Variants in BRF1 observed in about 807,000 individuals in gnomAD.
BRF1 encodes the protein transcription factor IIIB 90 kDa subunit.
In BRF1, 59 loss-of-function variants were observed where a neutral mutation model predicts 81.7. The observed-to-expected ratio is 0.72, with a 90% CI of 0.59 to 0.90. The LOEUF is 0.90. BRF1 is among the 40% of genes least tolerant of loss of function. BRF1 has a pLI of 0.00. For missense variants in BRF1, 1,050 were observed against 936.3 expected (o/e 1.12, Z -1.58); for synonymous variants, 491 against 395.6 (o/e 1.24, Z -2.86).
intron 1 of BRF1, among the ~76,000 whole-genome samples, chr14:105,287,298 G>A (rs2057350293): frequency 1.3e-5 from 2 of 152,212 alleles, no homozygotes; most frequent in South Asian, 4.1e-4. Flanking sequence ...TGAGCATGGT[G>A]GACATGTGGA....
chr14:105,285,749 T>C (rs2057291209), intron 2 of BRF1, among the ~76,000 whole-genome samples: 1 of 152,128 alleles, frequency 6.6e-6, no homozygotes, highest in African/African-American at 2.4e-5. Flanking sequence ...ACGCATGAAA[T>C]GGCTGAAAAT....
chr14:105,301,605 C>T (rs1415548899), upstream of BRF1, among the ~76,000 whole-genome samples: 1 of 152,228 alleles, frequency 6.6e-6, no homozygotes, highest in African/African-American at 2.4e-5. Flanking sequence ...TTGCGGCGTC[C>T]GCCGCTCCGC....
chr14:105,211,370 G>C, intron 16 of BRF1, 77 bp from the exon 17 acceptor site: 1 of 1,348,192 alleles, frequency 7.4e-7, no homozygotes, highest in Non-Finnish European at 9.8e-7. Flanking sequence ...GACCCACCAG[G>C]GCTGGCCCAG....
chr14:105,302,243 G>A (rs1259501179), upstream of BRF1, among the ~76,000 whole-genome samples: 2 of 130,320 alleles, frequency 1.5e-5, no homozygotes, highest in Admixed American at 8.6e-5. Flanking sequence ...CTGCTCTGTT[G>A]CCCAGGCTGG....
intron 3 of BRF1, among the ~76,000 whole-genome samples, chr14:105,266,861 C>T (rs1334384193): frequency 1.3e-5 from 2 of 152,044 alleles, no homozygotes; most frequent in Admixed American, 6.6e-5. Flanking sequence ...TTGGACAATA[C>T]AGCAAAACCC....
chr14:105,266,295 C>G (rs1467338109), intron 3 of BRF1, among the ~76,000 whole-genome samples: 2 of 152,102 alleles, frequency 1.3e-5, no homozygotes, highest in Non-Finnish European at 2.9e-5. Flanking sequence ...CACCTATGGT[C>G]CCGGCTACTC....
At chr14:105,228,755 G>A in intron 7 of BRF1, 65 bp downstream of exon 7, 3 of 1,574,160 alleles carry the variant, frequency 1.9e-6, no homozygotes, top group South Asian at 2.2e-5. Flanking sequence ...GCTCTGGCAA[G>A]CAGGCCTGAG....
intron 1 of BRF1, among the ~76,000 whole-genome samples, chr14:105,307,540 G>C (rs936929661): frequency 1.3e-5 from 2 of 152,118 alleles, no homozygotes; most frequent in Non-Finnish European, 2.9e-5. Flanking sequence ...TTTCAAAGGC[G>C]GTTGTCTCTG....
chr14:105,226,800 C>A (rs763360438), intron 7 of BRF1, 40 bp from the exon 8 acceptor site: 1 of 1,612,032 alleles, frequency 6.2e-7, no homozygotes, highest in South Asian at 1.1e-5. Context: ...GCTGGTGGCT[C>A]TGAAACCAGC....
Position 105,315,413 on chromosome 14 carries a change from C to T in BRF1, c.-253G>A, listed in dbSNP as rs912073941. ...TTCCTCTCTCGGGTACCACACGCTT[C>T]CTTTCGCGTTCGGCGACACTGTCAG... On this transcript the variant is annotated 5_prime_UTR_variant, in exon 1 of 18. Transcript: ENST00000327359. The surrounding 1 kb of genome is among the most constrained non-coding windows in gnomAD (Gnocchi z 4.4). 5 of 152,290 alleles carry T rather than the reference C, an allele frequency of 3.3e-5. No homozygotes were observed. The highest frequency in any genetic ancestry group is 1.3e-4 in the Admixed American group (2 of 15,296). The allele number at this position is 152,290 out of a possible 1,614,324, so 9.4% of individuals were successfully genotyped here. A position where few individuals can be genotyped will look rare whatever the true frequency, so the allele number is the denominator to read the frequency against.
At chr14:105,250,450 C>G in intron 5 of BRF1, 1 of 1,614,020 alleles carries the variant, frequency 6.2e-7, no homozygotes, top group Non-Finnish European at 8.5e-7. Flanking sequence ...GATCCAGTAA[C>G]ACCTTCCCGG....
At chr14:105,219,763 C>G (rs1370807892) in intron 12 of BRF1, 2 of 503,412 alleles carry the variant, frequency 4.0e-6, no homozygotes, top group Non-Finnish European at 3.6e-6. Flanking sequence ...GTCTAGAGAC[C>G]CCTCGAGGGG....
At chr14:105,289,756 C>T (rs976493037) in intron 1 of BRF1, among the ~76,000 whole-genome samples, 1 of 152,208 alleles carries the variant, frequency 6.6e-6, no homozygotes, top group African/African-American at 2.4e-5. Context: ...CTGCTTCAGC[C>T]TCCTGAGTAG....
chr14:105,272,764 A>G lies in BRF1; in HGVS notation c.396T>C (p.Ile132=), dbSNP rs745890118. 6.2e-7 allele frequency: 1 copy of G among 1,613,874 alleles called. No homozygotes were observed. ...GGCAGACCAGGTAGAGGCAGGCAGCAATCACGTGGGCCATCTTCCGGCCGC... is the reference window on the plus strand; with the variant it reads ...GGCAGACCAGGTAGAGGCAGGCAGCGATCACGTGGGCCATCTTCCGGCCGC... The part of the protein sequence containing the change: ...LTRGRKMAHV[I]AACLYLVCRT... Residue 132 remains isoleucine, a synonymous_variant, in exon 3 of 18, where the codon ATT becomes ATC. Coordinates refer to ENST00000547530, the MANE Select transcript of BRF1 (RefSeq NM_001519.4).
At chr14:105,215,556 CAT>C (rs1340169443) in intron 15 of BRF1, among the ~76,000 whole-genome samples, 1 of 151,924 alleles carries the variant, frequency 6.6e-6, no homozygotes, top group African/African-American at 2.4e-5. Context: ...GGCACACACA[CAT>C]GCACACATAC....
At chr14:105,268,826 C>T (rs1401329762) in intron 3 of BRF1, among the ~76,000 whole-genome samples, 3 of 152,140 alleles carry the variant, frequency 2.0e-5, no homozygotes, top group African/African-American at 2.4e-5. Context: ...CTAAAGGTGG[C>T]GAGTCCAGAA....
At chr14:105,302,205 T>G (rs1281131283), upstream of BRF1, among the ~76,000 whole-genome samples, 1 of 134,224 alleles carries the variant, frequency 7.5e-6, no homozygotes, top group Non-Finnish European at 1.6e-5. Context: ...TTTTTCTTTC[T>G]TTTTTTTTTT....
rs753483620 is a variant in BRF1 at position 105,211,108 on chromosome 14, C to T, written c.1996+14G>A. The T allele has an allele frequency of 2.7e-5, 44 of 1,611,626 alleles. No individual in the cohort carries two copies. Among genetic ancestry groups the T allele is most frequent in the South Asian group, 4.4e-5 (4 of 91,008 alleles). The stretch of plus-strand genomic sequence containing the variant: ...TTTCCCTTGAACCCCTCCCTGTTGT[C>T]GGGCCCCACCCACCGTTGCTGCCCA... On this transcript the variant is annotated intron_variant, in intron 17 of 17. Coordinates refer to ENST00000547530, the MANE Select transcript of BRF1 (RefSeq NM_001519.4).
intron 5 of BRF1, chr14:105,248,340 C>A: frequency 2.0e-6 from 2 of 985,492 alleles, no homozygotes; most frequent in Non-Finnish European, 2.4e-6. Context: ...GAAGAACGGG[C>A]GCAAGCACCT....
Sources: gnomAD v4.1 joint callset for allele counts (sites outside exome capture counted in the v4.1 genomes callset) on GRCh38, gnomAD v4.1.1 for gene constraint, Gnocchi (gnomAD v3.1) non-coding constraint, MANE v1.5 for transcripts, NCBI Gene and HGNC (gene_info 2026-07-23, HGNC 2026-07-21) for gene names.